NUP93: variants seen among roughly 807,000 people sequenced by gnomAD.
The protein encoded by NUP93 is nuclear pore complex protein Nup93.
NUP93 carries 55 observed loss-of-function variants against 107.8 expected under a neutral mutation model. That is an observed-to-expected ratio of 0.51 (90% CI 0.41 to 0.64). The LOEUF is 0.64. Ranked by LOEUF, NUP93 falls within the 30% of genes least tolerant of loss-of-function variation. NUP93 has a pLI of 0.00. For missense variants in NUP93, 937 were observed against 1,044.7 expected (o/e 0.90, Z 1.42); for synonymous variants, 390 against 397.5 (o/e 0.98, Z 0.22).
rs1336317935 is a variant in NUP93, at chr16:56,848,966, C to T, written c.*4357C>T. Reference sequence around the variant, plus strand: ...TAACCCAGGGAAAGAGGATATTTTCCTGTCCTAACCTTGGTTTTTGAAATA... The same window carrying T: ...TAACCCAGGGAAAGAGGATATTTTCTTGTCCTAACCTTGGTTTTTGAAATA... On this transcript the variant is annotated 3_prime_UTR_variant, in exon 22 of 22. Transcript: ENST00000308159. The T allele has an allele frequency of 6.6e-6, 1 of 152,112 alleles. No individual in the cohort carries two copies. The highest frequency in any genetic ancestry group is 1.5e-5 in the Non-Finnish European group (1 of 68,028). 9.4% of individuals were successfully genotyped at this position (152,112 alleles called of 1,614,324 possible).
chr16:56,738,241 G>C (rs1567371198), intron 1 of NUP93, among the ~76,000 whole-genome samples: 1 of 152,252 alleles, frequency 6.6e-6, no homozygotes, highest in African/African-American at 2.4e-5. Flanking sequence ...ATGGAGCCAA[G>C]CTGTAGTCCA....
intron 3 of NUP93, among the ~76,000 whole-genome samples, chr16:56,765,069 C>T (rs1264376545): frequency 6.6e-6 from 1 of 152,204 alleles, no homozygotes; most frequent in African/African-American, 2.4e-5. Flanking sequence ...CAGAACATCC[C>T]TATCTTCCAT....
rs1801710150 is a variant in NUP93 at position 56,848,061 on chromosome 16, G to C, written c.*3452G>C. On this transcript the variant is annotated 3_prime_UTR_variant, in exon 22 of 22. Transcript: ENST00000308159. ...TAAATTTGCAGTTATATGCAGCTCT[G>C]CCAACGCCTTCCTGCTTTAGACTGG... The C allele has an allele frequency of 1.3e-5, 2 of 152,186 alleles. No homozygotes were observed. Among genetic ancestry groups the C allele is most frequent in the Non-Finnish European group, 2.9e-5 (2 of 68,034 alleles). 9.4% of individuals were successfully genotyped at this position (152,186 alleles called of 1,614,324 possible).
At chr16:56,836,460 G>C (rs1158558758) in intron 16 of NUP93, 141 bp from the exon 17 acceptor site, 7 of 645,776 alleles carry the variant, frequency 1.1e-5, no homozygotes, top group Non-Finnish European at 1.9e-5. Context: ...CCAGAGTCTG[G>C]CTGATGAAAT....
chr16:56,769,345 A>T (rs1471452106), intron 3 of NUP93, among the ~76,000 whole-genome samples: 1 of 152,240 alleles, frequency 6.6e-6, no homozygotes, highest in Non-Finnish European at 1.5e-5. Flanking sequence ...ACACAAGCTT[A>T]GTAGTAAAAT....
intron 3 of NUP93, among the ~76,000 whole-genome samples, chr16:56,791,129 T>G (rs1962753621): frequency 6.6e-6 from 1 of 152,230 alleles, no homozygotes; most frequent in Non-Finnish European, 1.5e-5. Flanking sequence ...TGGTAAATGT[T>G]CAGCCTGCTG....
intron 3 of NUP93, among the ~76,000 whole-genome samples, chr16:56,796,215 A>G (rs1483547932): frequency 6.6e-6 from 1 of 152,236 alleles, no homozygotes; most frequent in East Asian, 1.9e-4. Flanking sequence ...TTGGTCAAGG[A>G]CAAACCCAAA....
chr16:56,801,346 A>G (rs1385875410), intron 4 of NUP93, among the ~76,000 whole-genome samples: 4 of 152,258 alleles, frequency 2.6e-5, no homozygotes, highest in Admixed American at 6.5e-5. Flanking sequence ...TGAATGTTCC[A>G]TTACCTCTAA....
chr16:56,740,293 C>T (rs1341887836), intron 1 of NUP93, among the ~76,000 whole-genome samples: 3 of 148,254 alleles, frequency 2.0e-5, no homozygotes, highest in East Asian at 4.1e-4. Flanking sequence ...GGCAGAGGGT[C>T]TCCTCACTTC....
At chr16:56,787,837 C>T (rs923044041) in intron 3 of NUP93, among the ~76,000 whole-genome samples, 2 of 152,292 alleles carry the variant, frequency 1.3e-5, no homozygotes, top group Non-Finnish European at 2.9e-5. Context: ...CATTTTTTAT[C>T]ATCCCTGAAT....
At chr16:56,782,292 G>A in intron 3 of NUP93, 1 of 812,674 alleles carries the variant, frequency 1.2e-6, no homozygotes, top group Non-Finnish European at 1.5e-6. Context: ...TTGTTGCAGT[G>A]CCTCTGAAAG....
At chr16:56,738,727 T>C (rs1357836707) in intron 1 of NUP93, among the ~76,000 whole-genome samples, 1 of 152,136 alleles carries the variant, frequency 6.6e-6, no homozygotes, top group Non-Finnish European at 1.5e-5. Flanking sequence ...TGGAATGATA[T>C]TGTCATCTAG....
Position 56,736,769 on chromosome 16 carries a change from G to A in NUP93, c.-15+6558G>A, listed in dbSNP as rs1295467732. On this transcript the variant is annotated intron_variant, in intron 1 of 21. Coordinates refer to ENST00000308159, the MANE Select transcript of NUP93 (RefSeq NM_014669.5). ...GGCAGGTGTGGATTTGACAGTCATT[G>A]CCATTGAGTCTTCAAGGGCAGTGGT... 3.3e-5 allele frequency among the ~76,000 whole-genome samples: 5 copies of A among 152,220 alleles called. No homozygotes were observed. The South Asian group carries it at 1.0e-3, about 32-fold the overall frequency.
chr16:56,791,445 G>A (rs1962760431), intron 3 of NUP93, among the ~76,000 whole-genome samples: 1 of 152,144 alleles, frequency 6.6e-6, no homozygotes, highest in Admixed American at 6.5e-5. Context: ...GACACTGAAT[G>A]TTTTTTTCAC....
At chr16:56,736,098 G>A (rs1961608564) in intron 1 of NUP93, among the ~76,000 whole-genome samples, 1 of 152,196 alleles carries the variant, frequency 6.6e-6, no homozygotes, top group Admixed American at 6.5e-5. Flanking sequence ...GGGAGGCTGA[G>A]GCAGGCAGAT....
intron 3 of NUP93, among the ~76,000 whole-genome samples, chr16:56,787,096 A>G (rs998438234): frequency 8.5e-5 from 13 of 152,246 alleles, no homozygotes; most frequent in Non-Finnish European, 7.3e-5. Context: ...GAAATCACCA[A>G]TACTGTTAAC....
intron 3 of NUP93, among the ~76,000 whole-genome samples, chr16:56,797,224 T>G (rs940534347): frequency 6.6e-6 from 1 of 151,504 alleles, no homozygotes; most frequent in Middle Eastern, 3.2e-3. Context: ...GAGCCAAGAT[T>G]GTGCCACTGC....
intron 3 of NUP93, among the ~76,000 whole-genome samples, chr16:56,763,843 G>A (rs1282279438): frequency 1.3e-5 from 2 of 151,696 alleles, no homozygotes; most frequent in Admixed American, 1.3e-4. Context: ...TGAAAATTCA[G>A]CCCCTTCTAC....
chr16:56,820,564 GC>G (rs1963522565), intron 6 of NUP93, among the ~76,000 whole-genome samples: 1 of 152,178 alleles, frequency 6.6e-6, no homozygotes, highest in African/African-American at 2.4e-5. Flanking sequence ...TGATCCACCT[GC>G]CTTGGCCTCC....
Sources: gnomAD v4.1 joint callset for allele counts (sites outside exome capture counted in the v4.1 genomes callset) on GRCh38, gnomAD v4.1.1 for gene constraint, MANE v1.5 for transcripts, NCBI Gene and HGNC (gene_info 2026-07-23, HGNC 2026-07-21) for gene names.